ALK: variants seen among roughly 807,000 people sequenced by gnomAD.
ALK encodes the protein ALK tyrosine kinase receptor.
ALK carries 74 observed loss-of-function variants against 163.1 expected under a neutral mutation model. That is an observed-to-expected ratio of 0.45 (90% CI 0.38 to 0.55). The LOEUF (loss-of-function observed/expected upper bound fraction) is 0.55. ALK is among the 20% of genes least tolerant of loss of function. The pLI, the probability that ALK is intolerant of heterozygous loss-of-function variation, is 0.00. For synonymous variants in ALK, 960 were observed against 843.2 expected, an observed-to-expected ratio of 1.14 and a Z score of -2.40; for missense variants, 2,063 against 2,105.3, an observed-to-expected ratio of 0.98 and a Z score of 0.39.
intron 3 of ALK, among the ~76,000 whole-genome samples, chr2:29,616,433 C>T (rs1360541773): frequency 1.3e-5 from 2 of 152,176 alleles, no homozygotes; most frequent in Non-Finnish European, 2.9e-5. Flanking sequence ...TTGCTTAGAG[C>T]TCACAGTGGC....
chr2:29,395,591 C>T (rs140326820), intron 4 of ALK, among the ~76,000 whole-genome samples: 88 of 152,286 alleles, frequency 5.8e-4, no homozygotes, highest in African/African-American at 1.8e-3. Context: ...CCTTTCTATC[C>T]CCTGCTCCCC....
At chr2:29,654,221 A>G (rs2148256246) in intron 3 of ALK, among the ~76,000 whole-genome samples, 1 of 152,282 alleles carries the variant, frequency 6.6e-6, no homozygotes, top group South Asian at 2.1e-4. Context: ...GTTGGCCAAA[A>G]GGATGAAACA....
intron 9 of ALK, among the ~76,000 whole-genome samples, chr2:29,278,950 C>G (rs1017277631): frequency 6.7e-6 from 1 of 148,956 alleles, no homozygotes; most frequent in Non-Finnish European, 1.5e-5. Flanking sequence ...GCCAGAGGGG[C>G]TTGAGCGAGT....
chr2:29,353,061 G>T (rs1009124971), intron 5 of ALK, among the ~76,000 whole-genome samples: 23 of 152,254 alleles, frequency 1.5e-4, no homozygotes, highest in African/African-American at 5.3e-4. Flanking sequence ...TACAAGATTA[G>T]AAATTATTGT....
chr2:29,503,687 C>G (rs1672244782), intron 4 of ALK, among the ~76,000 whole-genome samples: 1 of 152,108 alleles, frequency 6.6e-6, no homozygotes, highest in Admixed American at 6.5e-5. Flanking sequence ...AGACCTAAAA[C>G]AGCTGCATCT....
At chr2:29,618,228 A>G (rs1055012259) in intron 3 of ALK, among the ~76,000 whole-genome samples, 4 of 152,176 alleles carry the variant, frequency 2.6e-5, no homozygotes, top group African/African-American at 9.7e-5. Flanking sequence ...TCCAAATCCA[A>G]TCCAGATGCA....
intron 3 of ALK, among the ~76,000 whole-genome samples, chr2:29,578,254 C>G (rs536160949): frequency 6.6e-6 from 1 of 152,194 alleles, no homozygotes; most frequent in African/African-American, 2.4e-5. Flanking sequence ...CCCCTCCTTG[C>G]CTTTCACCAT....
At chr2:29,670,668 A>G (rs1258299875) in intron 3 of ALK, among the ~76,000 whole-genome samples, 2 of 151,924 alleles carry the variant, frequency 1.3e-5, no homozygotes, top group Non-Finnish European at 2.9e-5. Context: ...ATAATTTTCT[A>G]TATCTTACAG....
chr2:29,436,065 G>A (rs1420687767), intron 4 of ALK, among the ~76,000 whole-genome samples: 1 of 152,014 alleles, frequency 6.6e-6, no homozygotes, highest in African/African-American at 2.4e-5. Context: ...TCAAGCAAAT[G>A]ATACTGGAAT....
chr2:29,791,579 T>A (rs916293337), intron 1 of ALK, among the ~76,000 whole-genome samples: 4 of 152,186 alleles, frequency 2.6e-5, no homozygotes, highest in African/African-American at 9.7e-5. Flanking sequence ...TATACCTATG[T>A]AACAAACCTG....
At chr2:29,402,962 T>C (rs1351693692) in intron 4 of ALK, among the ~76,000 whole-genome samples, 1 of 152,176 alleles carries the variant, frequency 6.6e-6, no homozygotes, top group Non-Finnish European at 1.5e-5. Context: ...AGGTTGTGGC[T>C]CAAAGCAGCT....
chr2:29,443,144 C>T (rs571662199), intron 4 of ALK, among the ~76,000 whole-genome samples: 109 of 152,322 alleles, frequency 7.2e-4, no homozygotes, highest in Non-Finnish European at 1.4e-3. Flanking sequence ...TGCACTTCTC[C>T]TCTTTCTCCT....
At chr2:29,307,613 ATCT>A (rs879643820) in intron 8 of ALK, among the ~76,000 whole-genome samples, 2 of 152,306 alleles carry the variant, frequency 1.3e-5, no homozygotes, top group African/African-American at 2.4e-5. Context: ...TCAGTGTGGT[ATCT>A]TCTTAACTTC....
rs538379018 is a variant in ALK at position 29,533,013 on chromosome 2, G to A, written c.953-897C>T. Reference sequence around the variant, plus strand: ...AAATAGGCAAATAAACTAGCAGCCTGCAATAAACAATGGTGCAGATAAAAG... The same window carrying A: ...AAATAGGCAAATAAACTAGCAGCCTACAATAAACAATGGTGCAGATAAAAG... On this transcript the variant is annotated intron_variant, in intron 3 of 28. Transcript: ENST00000389048. 2.6e-5 allele frequency among the ~76,000 whole-genome samples: 4 copies of A among 152,304 alleles called. No individual in the cohort carries two copies. The South Asian group carries it at 8.3e-4, about 32-fold the overall frequency.
intron 1 of ALK, among the ~76,000 whole-genome samples, chr2:29,747,598 C>T (rs1196688415): frequency 6.6e-6 from 1 of 152,188 alleles, no homozygotes; most frequent in Non-Finnish European, 1.5e-5. Flanking sequence ...CCTCAATGTC[C>T]AGCACAGGAC....
At chr2:29,408,647 C>G (rs530279588) in intron 4 of ALK, among the ~76,000 whole-genome samples, 3 of 152,230 alleles carry the variant, frequency 2.0e-5, no homozygotes, top group Admixed American at 1.3e-4. Flanking sequence ...TTGAGAAATA[C>G]TATCTAATCC....
chr2:29,660,293 T>C (rs770113831), intron 3 of ALK, among the ~76,000 whole-genome samples: 1 of 152,202 alleles, frequency 6.6e-6, no homozygotes, highest in East Asian at 1.9e-4. Flanking sequence ...GTGGACTGAC[T>C]GTGAACACAA....
chr2:29,731,810 A>G (rs1276291463), intron 1 of ALK, among the ~76,000 whole-genome samples: 4 of 152,364 alleles, frequency 2.6e-5, no homozygotes, highest in Admixed American at 6.5e-5. Flanking sequence ...AGGTGAATGA[A>G]CCATGGGCTA....
chr2:29,531,511 T>C (rs1323369174), intron 4 of ALK, among the ~76,000 whole-genome samples: 3 of 152,308 alleles, frequency 2.0e-5, no homozygotes, highest in African/African-American at 7.2e-5. Flanking sequence ...ATGGCCAAAG[T>C]ACTTTGTCCT....
Sources: gnomAD v4.1 joint callset for allele counts (sites outside exome capture counted in the v4.1 genomes callset) on GRCh38, gnomAD v4.1.1 for gene constraint, MANE v1.5 for transcripts, NCBI Gene and HGNC (gene_info 2026-07-23, HGNC 2026-07-21) for gene names.